The following BEND4 variants were observed in gnomAD, a reference collection of about 807,000 sequenced individuals.
BEND4 encodes the protein BEN domain-containing protein 4.
A neutral mutation model predicts 54.7 loss-of-function variants in BEND4; 27 were observed. The observed-to-expected ratio is 0.49, with a 90% CI of 0.36 to 0.68. BEND4 has a LOEUF of 0.68. Ranked by LOEUF, BEND4 falls within the 30% of genes least tolerant of loss-of-function variation. The pLI is 0.00. For synonymous variants in BEND4, 327 were observed against 299.5 expected, an observed-to-expected ratio of 1.09 and a Z score of -0.95; for missense variants, 702 against 697.2, an observed-to-expected ratio of 1.01 and a Z score of -0.08.
intron 2 of BEND4, among the ~76,000 whole-genome samples, chr4:42,145,017 T>A (rs1309131477): frequency 6.6e-6 from 1 of 152,172 alleles, no homozygotes; most frequent in Non-Finnish European, 1.5e-5. Flanking sequence ...TCCTCTCCCC[T>A]TTCCCAGAAT....
chr4:42,119,869 G>A lies in BEND4; in HGVS notation c.1387+185C>T, dbSNP rs1008428517. The A allele has an allele frequency of 5.4e-5, 36 of 661,704 alleles. No homozygotes were observed. In the Admixed American group the frequency reaches 7.3e-4, roughly 13 times the overall value. 41.0% of individuals were successfully genotyped at this position (661,704 alleles called of 1,614,324 possible). A position where few individuals can be genotyped will look rare whatever the true frequency, so the allele number is the denominator to read the frequency against. On this transcript the variant is annotated intron_variant, in intron 5 of 5. Transcript: ENST00000502486. ...TGTACCACTAAGAGAGAACAACAAC[G>A]CTAAGGCAAACGGAGGTTTTTAAAA...
At chr4:42,118,037 T>A (rs908177335) in intron 5 of BEND4, among the ~76,000 whole-genome samples, 3 of 152,160 alleles carry the variant, frequency 2.0e-5, no homozygotes, top group Admixed American at 1.3e-4. Context: ...ATGCACCATG[T>A]CTGGTGTAAG....
chr4:42,121,277 G>A (rs1720048997), intron 4 of BEND4, among the ~76,000 whole-genome samples: 2 of 152,166 alleles, frequency 1.3e-5, no homozygotes, highest in Admixed American at 1.3e-4. Flanking sequence ...ACTGAGAAGG[G>A]GAAATGGCAT....
chr4:42,125,421 C>T lies in BEND4; in HGVS notation c.1146+162G>A, dbSNP rs1184910518. The stretch of plus-strand genomic sequence containing the variant: ...CTGAATCTCTGTAGTTAAATACATG[C>T]GTGATCTTTCTCCACAAATTACATA... On this transcript the variant is annotated intron_variant, in intron 4 of 5. Coordinates refer to ENST00000502486, the MANE Select transcript of BEND4 (RefSeq NM_207406.4). 4.6e-5 allele frequency among the ~76,000 whole-genome samples: 7 copies of T among 152,346 alleles called. No individual in the cohort carries two copies. In the East Asian group the frequency reaches 7.7e-4, roughly 17 times the overall value.
At position 42,129,077 on chromosome 4, in the gene BEND4, CAA is replaced by C. The variant is rs577081585; in HGVS notation, c.1055-3405_1055-3404del. The stretch of plus-strand genomic sequence containing the variant: ...TTCTTAAGCTGATAAGAAACTTCAG[CAA>C]AGTCTCAGGACACAAAATCAATGTG... On this transcript the variant is annotated intron_variant, in intron 3 of 5. Coordinates refer to ENST00000502486, the MANE Select transcript of BEND4 (RefSeq NM_207406.4). Among the ~76,000 whole-genome samples the C allele has an allele frequency of 1.2e-3, 181 of 152,340 alleles. 1 individual carries two copies. Among genetic ancestry groups the C allele is most frequent in the African/African-American group, 4.3e-3 (178 of 41,574 alleles).
At chr4:42,130,428 C>T (rs1316680226) in intron 3 of BEND4, among the ~76,000 whole-genome samples, 1 of 140,442 alleles carries the variant, frequency 7.1e-6, no homozygotes, top group Admixed American at 7.6e-5. Context: ...TGCAGTGAGC[C>T]GAGATCACGC....
intron 3 of BEND4, among the ~76,000 whole-genome samples, chr4:42,139,778 C>G (rs919805513): frequency 6.6e-6 from 1 of 152,072 alleles, no homozygotes; most frequent in African/African-American, 2.4e-5. Flanking sequence ...AAGTGACTCC[C>G]ACAACACAGG....
intron 2 of BEND4, among the ~76,000 whole-genome samples, chr4:42,145,744 C>G (rs1721056818): frequency 6.6e-6 from 1 of 151,432 alleles, no homozygotes; most frequent in South Asian, 2.1e-4. Context: ...CAGTGTTTGG[C>G]ACATAGGAAG....
chr4:42,120,481 T>C (rs1720014055), intron 4 of BEND4, among the ~76,000 whole-genome samples, 187 bp from the exon 5 acceptor site: 1 of 152,208 alleles, frequency 6.6e-6, no homozygotes, highest in African/African-American at 2.4e-5. Flanking sequence ...ATTTGCATTT[T>C]CTATAACAAG....
At chr4:42,118,531 A>C (rs1312700957) in intron 5 of BEND4, among the ~76,000 whole-genome samples, 1 of 152,224 alleles carries the variant, frequency 6.6e-6, no homozygotes, top group East Asian at 1.9e-4. Context: ...GGACTGCATC[A>C]GGCATCAGTG....
At chr4:42,139,723 C>T (rs992860659) in intron 3 of BEND4, among the ~76,000 whole-genome samples, 4 of 152,138 alleles carry the variant, frequency 2.6e-5, no homozygotes, top group African/African-American at 9.7e-5. Context: ...AACTGCTGAG[C>T]GTTGCGTTCT....
At chr4:42,132,434 T>G (rs1375874973) in intron 3 of BEND4, among the ~76,000 whole-genome samples, 1 of 132,872 alleles carries the variant, frequency 7.5e-6, no homozygotes, top group East Asian at 1.9e-4. Flanking sequence ...AGAAATTTTT[T>G]ATTTTATTAT....
At chr4:42,145,615 C>T (rs1721050531) in intron 2 of BEND4, among the ~76,000 whole-genome samples, 1 of 151,514 alleles carries the variant, frequency 6.6e-6, no homozygotes. Context: ...TCGCTTGAAC[C>T]CAGAAGACAG....
In BEND4 at chr4:42,125,603, G is replaced by T. The variant is rs1011816244; in HGVS notation, c.1126C>A (p.Pro376Thr). 1.9e-6 allele frequency: 3 copies of T among 1,613,686 alleles called. No homozygotes were observed. Among genetic ancestry groups the T allele is most frequent in the Non-Finnish European group, 2.5e-6 (3 of 1,179,662 alleles). Residue 376 changes from proline to threonine, a missense_variant, in exon 4 of 6, where the codon CCA becomes ACA. Transcript: ENST00000502486. ...CCTACCTCTGTCGGCTGGTCAGCTG[G>T]CTGTGGTATCAGGAGTTGGTTGTGG... ...QHHNQLLIPQ[P>T]ADQPTEGSKQ...
chr4:42,119,937 C>T (rs760827057), intron 5 of BEND4, 117 bp downstream of exon 5: 15 of 1,302,136 alleles, frequency 1.2e-5, no homozygotes, highest in South Asian at 2.5e-5. Flanking sequence ...GAAGCCTAGA[C>T]GTTCTCAGCA....
Position 42,151,681 on chromosome 4 carries a change from T to A in BEND4, c.463A>T (p.Ser155Cys), listed in dbSNP as rs1721291094. The A allele has an allele frequency of 6.7e-7, 1 of 1,494,578 alleles. No individual in the cohort carries two copies. The highest frequency in any genetic ancestry group is 8.9e-7 in the Non-Finnish European group (1 of 1,123,788). The allele number at this position is 1,494,578 out of a possible 1,614,324, so 92.6% of individuals were successfully genotyped here. A position where few individuals can be genotyped will look rare whatever the true frequency, so the allele number is the denominator to read the frequency against. ...AAGTGGTGSD[S>C]ASLELSAESR... Reference sequence around the variant, plus strand: ...CCTGCGCTGAGCTCCAGGCTGGCGCTGTCGCTACCCGTGCCGCCGGTGCCG... The same window carrying A: ...CCTGCGCTGAGCTCCAGGCTGGCGCAGTCGCTACCCGTGCCGCCGGTGCCG... The change falls in exon 2 of 6, where the codon AGC becomes TGC. Residue 155 changes from serine (S) to cysteine (C), a missense_variant. Transcript: ENST00000502486.
At chr4:42,132,468 G>T (rs993803366) in intron 3 of BEND4, among the ~76,000 whole-genome samples, 1 of 148,490 alleles carries the variant, frequency 6.7e-6, no homozygotes, top group African/African-American at 2.6e-5. Context: ...TATTGAGATG[G>T]AGTTTCAGTG....
At chr4:42,136,158 C>T (rs1720690503) in intron 3 of BEND4, among the ~76,000 whole-genome samples, 3 of 152,252 alleles carry the variant, frequency 2.0e-5, no homozygotes. Context: ...GATCAGAAAC[C>T]GACCTAAGCA....
rs959799180 is a variant in BEND4, at chr4:42,133,996, T to C, written c.1055-8322A>G. On this transcript the variant is annotated intron_variant, in intron 3 of 5. Transcript: ENST00000502486. ...GCTACTGTCATTTTAAGATTGGGAG[T>C]CTAGTGAATTCTTCATTGAGGCCAC... 3.0e-4 allele frequency among the ~76,000 whole-genome samples: 45 copies of C among 152,066 alleles called. 1 individual carries two copies. Among genetic ancestry groups the C allele is most frequent in the African/African-American group, 1.1e-3 (45 of 41,392 alleles).
Sources: allele counts gnomAD v4.1 joint callset (sites outside exome capture counted in the v4.1 genomes callset), GRCh38; gene constraint gnomAD v4.1.1; transcripts MANE v1.5; gene names NCBI Gene and HGNC (gene_info 2026-07-23, HGNC 2026-07-21).